Variants in UBE2D3 observed in about 807,000 individuals in gnomAD.
The protein encoded by UBE2D3 is ubiquitin conjugating enzyme E2 D3, also known as ubiquitin-conjugating enzyme E2 D3.
Under a neutral mutation model 22.8 loss-of-function variants are expected in UBE2D3, and 2 were observed. The observed-to-expected ratio is 0.09, with a 90% CI of 0.04 to 0.28. The LOEUF is 0.28. UBE2D3 is among the 10% of genes least tolerant of loss of function. The pLI, the probability that UBE2D3 is intolerant of heterozygous loss-of-function variation, is 1.00. For synonymous variants in UBE2D3, 56 were observed against 60.4 expected, an observed-to-expected ratio of 0.93 and a Z score of 0.34; for missense variants, 27 against 182.5, an observed-to-expected ratio of 0.15 and a Z score of 4.91.
intron 1 of UBE2D3, among the ~76,000 whole-genome samples, chr4:102,866,784 T>C (rs980628034): frequency 3.3e-5 from 5 of 152,168 alleles, no homozygotes; most frequent in Non-Finnish European, 5.9e-5. Flanking sequence ...AAGAAACGAA[T>C]AGGTAATGGC....
Position 102,803,132 on chromosome 4 carries a change from T to C in UBE2D3, c.121-494A>G, listed in dbSNP as rs1466933239. ...ACAGAGAAAAGCCTAAGCTTCTCATTTTAATCAATACCAGAAAATACATGC... is the reference window on the plus strand; with the variant it reads ...ACAGAGAAAAGCCTAAGCTTCTCATCTTAATCAATACCAGAAAATACATGC... On this transcript the variant is annotated intron_variant, in intron 4 of 7. Transcript: ENST00000453744. 2.0e-5 allele frequency among the ~76,000 whole-genome samples: 3 copies of C among 152,342 alleles called. No individual in the cohort carries two copies. In the East Asian group the frequency reaches 5.8e-4, roughly 29 times the overall value.
intron 2 of UBE2D3, chr4:102,819,571 AC>A (rs1401746872): frequency 3.0e-6 from 3 of 985,232 alleles, no homozygotes; most frequent in African/African-American, 1.7e-5. Context: ...TTAAGTGTCA[AC>A]CCTATTAAAG....
At chr4:102,868,578 G>A (rs1278582816) in intron 1 of UBE2D3, 4 of 1,031,618 alleles carry the variant, frequency 3.9e-6, no homozygotes, top group Non-Finnish European at 6.1e-6. Flanking sequence ...TTGGGTGAAG[G>A]AGTAAAATTA....
intron 2 of UBE2D3, among the ~76,000 whole-genome samples, chr4:102,820,842 T>C (rs547211955): frequency 1.4e-4 from 21 of 152,310 alleles, no homozygotes; most frequent in Middle Eastern, 3.4e-3. Context: ...TTAGGATTAA[T>C]GTAAGTATTT....
intron 1 of UBE2D3, among the ~76,000 whole-genome samples, chr4:102,867,712 T>A (rs1347043958): frequency 6.6e-6 from 1 of 151,984 alleles, no homozygotes; most frequent in African/African-American, 2.4e-5. Context: ...GGCAGAAGGA[T>A]CCCTTAAGCC....
intron 2 of UBE2D3, among the ~76,000 whole-genome samples, chr4:102,820,358 A>G (rs1347029471): frequency 2.0e-5 from 3 of 152,218 alleles, no homozygotes; most frequent in Non-Finnish European, 4.4e-5. Flanking sequence ...GATATGAACA[A>G]TTTCACAAAA....
intron 7 of UBE2D3, among the ~76,000 whole-genome samples, chr4:102,798,299 C>CATATATAT (rs1725556598): frequency 1.8e-5 from 1 of 55,172 alleles, no homozygotes; most frequent in African/African-American, 1.2e-4. Flanking sequence ...TATATATATG[C>CATATATAT]ACAGGAGAAT....
intron 6 of UBE2D3, among the ~76,000 whole-genome samples, chr4:102,800,784 GCT>G (rs1281183888): frequency 2.6e-5 from 4 of 151,978 alleles, no homozygotes; most frequent in African/African-American, 9.6e-5. Flanking sequence ...TTTTGAAAAA[GCT>G]TTTTTGTACT....
Position 102,801,441 on chromosome 4 carries a change from T to C in UBE2D3, c.304+13A>G, listed in dbSNP as rs372050610. On this transcript the variant is annotated intron_variant, in intron 6 of 7. Transcript: ENST00000453744. The stretch of plus-strand genomic sequence containing the variant: ...AGACAATGAGAACAGCTTATTTCAC[T>C]AGAAATATTTACCTTTAGAAATTGT... 1.2e-5 allele frequency: 19 copies of C among 1,583,240 alleles called. No homozygotes were observed. Among genetic ancestry groups the C allele is most frequent in the African/African-American group, 1.1e-4 (8 of 74,178 alleles).
At chr4:102,845,134 G>T (rs971307794) in intron 1 of UBE2D3, among the ~76,000 whole-genome samples, 1 of 151,640 alleles carries the variant, frequency 6.6e-6, no homozygotes, top group Non-Finnish European at 1.5e-5. Context: ...TGCAGTCCCA[G>T]CTATTTGGGA....
chr4:102,851,260 A>G (rs1437292551), intron 1 of UBE2D3, among the ~76,000 whole-genome samples: 1 of 152,208 alleles, frequency 6.6e-6, no homozygotes, highest in Non-Finnish European at 1.5e-5. Context: ...TGCTTTGACC[A>G]CAGAATGCAA....
chr4:102,854,384 C>G (rs1732533713), intron 1 of UBE2D3, among the ~76,000 whole-genome samples: 1 of 151,928 alleles, frequency 6.6e-6, no homozygotes, highest in African/African-American at 2.4e-5. Flanking sequence ...TTTCTGCCTG[C>G]TGGATGAATT....
chr4:102,858,062 C>A (rs866703031), intron 1 of UBE2D3, among the ~76,000 whole-genome samples: 1 of 151,916 alleles, frequency 6.6e-6, no homozygotes, highest in Non-Finnish European at 1.5e-5. Flanking sequence ...GTTAGTGTAT[C>A]CATATTCCAA....
chr4:102,799,172 G>A (rs1029734764), intron 7 of UBE2D3, among the ~76,000 whole-genome samples: 2 of 151,704 alleles, frequency 1.3e-5, no homozygotes, highest in African/African-American at 4.8e-5. Flanking sequence ...AAGTGATACT[G>A]TTTAACACGC....
intron 4 of UBE2D3, among the ~76,000 whole-genome samples, chr4:102,805,446 G>T (rs959789802): frequency 1.3e-4 from 20 of 150,744 alleles, no homozygotes; most frequent in Admixed American, 1.3e-3. Context: ...GTGCAAAGTT[G>T]CTCCCTCACA....
chr4:102,828,150 C>G (rs991705240), upstream of UBE2D3: 21 of 985,438 alleles, frequency 2.1e-5, no homozygotes, highest in African/African-American at 3.5e-4. Context: ...ATGCTTATGC[C>G]GGTGGTTGGT....
intron 4 of UBE2D3, among the ~76,000 whole-genome samples, chr4:102,804,991 A>G (rs891106686): frequency 3.9e-5 from 6 of 152,184 alleles, no homozygotes; most frequent in Admixed American, 1.3e-4. Context: ...GGCCCCAAAC[A>G]TTGAAGTTTT....
At position 102,863,578 on chromosome 4, in the gene UBE2D3, C is replaced by A. The variant is rs528833636; in HGVS notation, c.-129+5137G>T. On this transcript the variant is annotated intron_variant, in intron 1 of 7. Coordinates refer to the UBE2D3 transcript ENST00000338145. ...GTACAATCTCAGCTCACTGCAACCT[C>A]CATCTCCCGGGTTCAAGTGATTCTC... Among the ~76,000 whole-genome samples, 4 of 152,276 alleles carry A rather than the reference C, an allele frequency of 2.6e-5. No homozygotes were observed. In the East Asian group the frequency reaches 7.7e-4, roughly 29 times the overall value.
chr4:102,814,948 C>A (rs1578246941), intron 2 of UBE2D3, among the ~76,000 whole-genome samples: 1 of 152,076 alleles, frequency 6.6e-6, no homozygotes, highest in South Asian at 2.1e-4. Flanking sequence ...ACAACACAAT[C>A]CAAGTTTTAC....
Sources: gnomAD v4.1 joint callset for allele counts (sites outside exome capture counted in the v4.1 genomes callset) on GRCh38, gnomAD v4.1.1 for gene constraint, MANE v1.5 for transcripts, NCBI Gene and HGNC (gene_info 2026-07-23, HGNC 2026-07-21) for gene names.